CCAR1: variants seen among roughly 807,000 people sequenced by gnomAD.
CCAR1 encodes the protein cell division cycle and apoptosis regulator 1.
CCAR1 carries 78 observed loss-of-function variants against 163.8 expected under a neutral mutation model. That is an observed-to-expected ratio of 0.48 (90% CI 0.40 to 0.57). The LOEUF is 0.57. Among genes scored for constraint, CCAR1 ranks in the 20% least tolerant of loss-of-function variants. CCAR1 has a pLI of 0.00. For synonymous variants in CCAR1, 443 were observed against 460.7 expected, an observed-to-expected ratio of 0.96 and a Z score of 0.49; for missense variants, 1,019 against 1,365.2, an observed-to-expected ratio of 0.75 and a Z score of 4.00.
At chr10:68,780,837 T>G (rs1267621850) in intron 19 of CCAR1, among the ~76,000 whole-genome samples, 1 of 152,210 alleles carries the variant, frequency 6.6e-6, no homozygotes, top group East Asian at 1.9e-4. Flanking sequence ...CGAGCTTAAT[T>G]ATAAATATTG....
chr10:68,760,685 G>A (rs527322621), intron 15 of CCAR1: 31 of 161,734 alleles, frequency 1.9e-4, no homozygotes, highest in Non-Finnish European at 3.8e-4. Flanking sequence ...TGACCAACAT[G>A]GTGAAACCCC....
intron 1 of CCAR1, 34 bp from the exon 2 acceptor site, chr10:68,722,421 T>C (rs750309898): frequency 8.5e-6 from 9 of 1,055,616 alleles, no homozygotes; most frequent in Non-Finnish European, 1.0e-5. Flanking sequence ...TGTAGCTTGG[T>C]TGGACTTTAA....
rs184417073 is a variant in CCAR1, at chr10:68,788,159, T to C, written c.3018T>C (p.Leu1006=). The C allele has an allele frequency of 1.9e-6, 3 of 1,573,700 alleles. No homozygotes were observed. In the East Asian group the frequency reaches 6.8e-5, roughly 35 times the overall value. The change falls in exon 23 of 25, where the codon CTT becomes CTC. Residue 1006 remains leucine (L), a synonymous_variant. Transcript: ENST00000265872. The stretch of plus-strand genomic sequence containing the variant: ...ATATTATAGGAAACAGATTATTACT[T>C]CCAACACCAACAGTAAAGCAGGAAT... ...QEDMLGNRLL[L]PTPTVKQESK... is the part of the protein sequence containing the mutation.
intron 2 of CCAR1, among the ~76,000 whole-genome samples, chr10:68,733,793 A>G (rs2056072093): frequency 6.6e-6 from 1 of 151,998 alleles, no homozygotes; most frequent in African/African-American, 2.4e-5. Context: ...CCTCCCGAAT[A>G]GCTGGGATGA....
At chr10:68,763,573 G>A (rs138250735) in intron 16 of CCAR1, among the ~76,000 whole-genome samples, 3,794 of 152,136 alleles carry the variant, frequency 0.025, 66 homozygotes, top group Non-Finnish European at 0.04. Flanking sequence ...TCAGCCTCCC[G>A]AGTAGCTGGG....
Position 68,756,022 on chromosome 10 carries a change from A to T in CCAR1, c.1626-251A>T, listed in dbSNP as rs2056393870. Among the ~76,000 whole-genome samples, 1 of 152,198 alleles carries T rather than the reference A, an allele frequency of 6.6e-6. No individual in the cohort carries two copies. The highest frequency in any genetic ancestry group is 1.5e-5 in the Non-Finnish European group (1 of 68,036). On this transcript the variant is annotated intron_variant, in intron 13 of 24. Transcript: ENST00000265872. This position sits in a 1 kb window ranked among gnomAD's most constrained non-coding sequence, Gnocchi z 5.1. Reference sequence around the variant, plus strand: ...GAACAGCTATCCAGCTTCTTCAGGTATTCTCTAAAATGCGGGTAGCTCTGT... The same window carrying T: ...GAACAGCTATCCAGCTTCTTCAGGTTTTCTCTAAAATGCGGGTAGCTCTGT...
intron 4 of CCAR1, among the ~76,000 whole-genome samples, chr10:68,739,396 AC>A (rs1485857531): frequency 6.6e-6 from 1 of 151,908 alleles, no homozygotes; most frequent in African/African-American, 2.4e-5. Context: ...TGATCCACCC[AC>A]CTTGGCCTCC....
At chr10:68,726,499 A>C (rs567134904) in intron 2 of CCAR1, among the ~76,000 whole-genome samples, 1 of 152,026 alleles carries the variant, frequency 6.6e-6, no homozygotes, top group African/African-American at 2.4e-5. Flanking sequence ...CTTACCATAG[A>C]TCCTTACTTC....
chr10:68,769,667 C>T (rs142237228), intron 17 of CCAR1, among the ~76,000 whole-genome samples: 4 of 151,732 alleles, frequency 2.6e-5, no homozygotes, highest in East Asian at 2.0e-4. Context: ...ATAGGCCAGG[C>T]GTGGTGGCTC....
At chr10:68,752,511 A>G (rs949322185) in intron 10 of CCAR1, among the ~76,000 whole-genome samples, 16 of 152,294 alleles carry the variant, frequency 1.1e-4, no homozygotes, top group African/African-American at 3.4e-4. Flanking sequence ...ACACTTCCTT[A>G]AAAACAAAAC....
Position 68,756,312 on chromosome 10 carries a change from G to GAC in CCAR1, c.1666_1667dup (p.His557ProfsTer84), listed in dbSNP as rs1477844396. On this transcript the variant is annotated frameshift_variant, in exon 14 of 25. Coordinates refer to ENST00000265872, the MANE Select transcript of CCAR1 (RefSeq NM_018237.4). This position sits in a 1 kb window ranked among gnomAD's most constrained non-coding sequence, Gnocchi z 5.1. ...AGATTCGCTACCATCGCCCTGAGGA[G>GAC]ACCCACAAGGGGCGTACAGTTCCAG... The GAC allele has an allele frequency of 6.2e-7, 1 of 1,614,036 alleles. No individual in the cohort carries two copies. Among genetic ancestry groups the GAC allele is most frequent in the Non-Finnish European group, 8.5e-7 (1 of 1,179,996 alleles).
intron 17 of CCAR1, 141 bp from the exon 18 acceptor site, chr10:68,771,065 G>A (rs908859836): frequency 2.4e-5 from 14 of 575,950 alleles, no homozygotes; most frequent in African/African-American, 1.3e-4. Context: ...GCGACAGAGC[G>A]AGACTCCATC....
At chr10:68,766,531 ATTCT>A (rs1360547607) in intron 17 of CCAR1, among the ~76,000 whole-genome samples, 2 of 144,574 alleles carry the variant, frequency 1.4e-5, no homozygotes, top group Admixed American at 1.4e-4. Flanking sequence ...TGCCTCTTTC[ATTCT>A]TTCTTTTTTG....
Position 68,747,553 on chromosome 10 carries a change from G to C in CCAR1, c.813G>C (p.Gln271His). 6.2e-7 allele frequency: 1 copy of C among 1,611,402 alleles called. No individual in the cohort carries two copies. The highest frequency in any genetic ancestry group is 8.5e-7 in the Non-Finnish European group (1 of 1,179,118). ...CTCAACCACAGCCCTTATTACAGCA[G>C]CCTCAGCAAAAAGGTATCTTTGCTT... ...LQTQPQPLLQ[Q>H]PQQKAGLLQP... The change falls in exon 8 of 25, where the codon CAG becomes CAC. Residue 271 changes from glutamine to histidine, a missense_variant. This residue lies in a region of CCAR1 where 644 missense variants were observed against 904.4 expected (regional missense o/e 0.71). Coordinates refer to ENST00000265872, the MANE Select transcript of CCAR1 (RefSeq NM_018237.4).
chr10:68,742,646 A>G lies in CCAR1; in HGVS notation c.518+77A>G, dbSNP rs747052682. 3.3e-4 allele frequency: 383 copies of G among 1,167,596 alleles called. 1 individual carries two copies. The highest frequency in any genetic ancestry group is 1.3e-3 in the Middle Eastern group (6 of 4,674). 72.3% of individuals were successfully genotyped at this position (1,167,596 alleles called of 1,614,324 possible). A position where few individuals can be genotyped will look rare whatever the true frequency, so the allele number is the denominator to read the frequency against. ...CCTGTTTAGTTGTGGCAGAAATTGT[A>G]TGTAGCCCAGGCTGGACACAGTTGT... On this transcript the variant is annotated intron_variant, in intron 6 of 24. Coordinates refer to ENST00000265872, the MANE Select transcript of CCAR1 (RefSeq NM_018237.4).
intron 6 of CCAR1, among the ~76,000 whole-genome samples, chr10:68,745,125 T>G (rs1312245537): frequency 6.6e-6 from 1 of 151,674 alleles, no homozygotes; most frequent in Non-Finnish European, 1.5e-5. Context: ...CCTGCCTCAG[T>G]CTCCCAAGTA....
At chr10:68,745,200 G>A (rs749326088) in intron 6 of CCAR1, among the ~76,000 whole-genome samples, 25 of 151,880 alleles carry the variant, frequency 1.6e-4, no homozygotes, top group African/African-American at 4.8e-4. Context: ...TAGAGACAGG[G>A]TTTCACCGTG....
chr10:68,740,869 A>C (rs2056173477), intron 5 of CCAR1, among the ~76,000 whole-genome samples: 1 of 151,280 alleles, frequency 6.6e-6, no homozygotes, highest in African/African-American at 2.4e-5. Flanking sequence ...AGTTTGAATA[A>C]ATATGAGGTT....
chr10:68,749,452 T>C (rs1227628317), intron 9 of CCAR1, 72 bp from the exon 10 acceptor site: 1 of 1,354,838 alleles, frequency 7.4e-7, no homozygotes, highest in Non-Finnish European at 1.0e-6. Flanking sequence ...TATTACCTAC[T>C]CTATTTACTT....
Sources: allele counts gnomAD v4.1 joint callset (sites outside exome capture counted in the v4.1 genomes callset), GRCh38; gene constraint gnomAD v4.1.1; regional missense constraint gnomAD v4.1.1; non-coding constraint Gnocchi (gnomAD v3.1); transcripts MANE v1.5; gene names NCBI Gene and HGNC (gene_info 2026-07-23, HGNC 2026-07-21).